ITPR2: variants seen among roughly 807,000 people sequenced by gnomAD.
The protein encoded by ITPR2 is inositol 1,4,5-trisphosphate receptor type 2, also known as inositol 1,4,5-trisphosphate-gated calcium channel ITPR2.
A neutral mutation model predicts 317.1 loss-of-function variants in ITPR2; 207 were observed. The ratio of observed to expected loss-of-function variants is 0.65; its 90% CI spans 0.58 to 0.73. The LOEUF is 0.73. ITPR2 is among the 30% of genes least tolerant of loss of function. The probability of loss-of-function intolerance (pLI) is 0.00; values close to 1 mark genes in which losing one functional copy is unlikely to be tolerated. For missense variants in ITPR2, 2,613 were observed against 3,284.0 expected (o/e 0.80, Z 4.99); for synonymous variants, 1,156 against 1,149.1 (o/e 1.01, Z -0.12).
intron 34 of ITPR2, among the ~76,000 whole-genome samples, chr12:26,569,162 G>T (rs755543414): frequency 6.6e-6 from 1 of 151,710 alleles, no homozygotes. Flanking sequence ...GACTGATAAG[G>T]GCTATTCCGA....
At chr12:26,548,430 G>A (rs1277665336) in intron 37 of ITPR2, among the ~76,000 whole-genome samples, 1 of 151,754 alleles carries the variant, frequency 6.6e-6, no homozygotes, top group African/African-American at 2.4e-5. Context: ...GATGGTTTCT[G>A]AAGGGCTCTA....
intron 4 of ITPR2, among the ~76,000 whole-genome samples, chr12:26,723,355 G>A (rs1020426155): frequency 6.6e-6 from 1 of 152,018 alleles, no homozygotes; most frequent in Non-Finnish European, 1.5e-5. Flanking sequence ...TTACCACAAA[G>A]CAATGGAAAC....
At chr12:26,469,303 A>T (rs139715661) in intron 45 of ITPR2, among the ~76,000 whole-genome samples, 20 of 152,274 alleles carry the variant, frequency 1.3e-4, no homozygotes, top group African/African-American at 4.6e-4. Context: ...ACTGTAGGTG[A>T]TTAGTGTAAT....
intron 55 of ITPR2, among the ~76,000 whole-genome samples, chr12:26,362,136 T>G (rs1409559853): frequency 1.3e-5 from 2 of 152,178 alleles, no homozygotes; most frequent in African/African-American, 4.8e-5. Flanking sequence ...ATTCCCAGGC[T>G]TCAAGCTGGG....
rs77570680 is a variant in ITPR2, at chr12:26,747,473, A to G, written c.164-21708T>C. The stretch of plus-strand genomic sequence containing the variant: ...TAAAAAGTCAAATACTGGTAACTTC[A>G]TATAGGTCAACCCTAATGTAGGTTT... On this transcript the variant is annotated intron_variant, in intron 2 of 56. Transcript: ENST00000381340. 9.3e-3 allele frequency among the ~76,000 whole-genome samples: 1,421 copies of G among 152,348 alleles called. 23 individuals carry two copies. Among genetic ancestry groups the G allele is most frequent in the African/African-American group, 0.032 (1,322 of 41,566 alleles).
chr12:26,465,251 A>G (rs578123307), intron 45 of ITPR2, among the ~76,000 whole-genome samples: 20 of 152,328 alleles, frequency 1.3e-4, no homozygotes, highest in African/African-American at 4.6e-4. Context: ...TATTTCACAG[A>G]AAGGAGAGTG....
At chr12:26,764,425 A>G (rs980574653) in intron 2 of ITPR2, among the ~76,000 whole-genome samples, 8 of 152,092 alleles carry the variant, frequency 5.3e-5, no homozygotes, top group Non-Finnish European at 8.8e-5. Context: ...TAAGGCACCA[A>G]CTGGGAAAAA....
chr12:26,738,569 TTC>T (rs200825264), intron 2 of ITPR2, among the ~76,000 whole-genome samples: 1,975 of 152,278 alleles, frequency 0.013, 47 homozygotes, highest in African/African-American at 0.046. Context: ...ATTTTTTAGC[TTC>T]TCTCTCTCAT....
At chr12:26,519,739 G>C (rs569316090) in intron 37 of ITPR2, among the ~76,000 whole-genome samples, 1 of 152,190 alleles carries the variant, frequency 6.6e-6, no homozygotes, top group Non-Finnish European at 1.5e-5. Context: ...ATTTTGTCCT[G>C]TGAACGCCAA....
At chr12:26,493,494 C>A (rs1005869164) in intron 39 of ITPR2, among the ~76,000 whole-genome samples, 1 of 152,120 alleles carries the variant, frequency 6.6e-6, no homozygotes, top group Non-Finnish European at 1.5e-5. Flanking sequence ...TTCCTGTGTT[C>A]TAATCCTCAG....
At chr12:26,561,739 T>C in intron 35 of ITPR2, 23 bp downstream of exon 35, 4 of 1,504,130 alleles carry the variant, frequency 2.7e-6, no homozygotes, top group East Asian at 5.0e-5. Context: ...AAAATATTAA[T>C]GCTATTTCAC....
At chr12:26,802,903 T>C (rs1565777938) in intron 1 of ITPR2, among the ~76,000 whole-genome samples, 1 of 152,158 alleles carries the variant, frequency 6.6e-6, no homozygotes, top group Non-Finnish European at 1.5e-5. Context: ...TTTGTAAGGA[T>C]ATAAGTTTTG....
chr12:26,535,483 T>A (rs1944064984), intron 37 of ITPR2, among the ~76,000 whole-genome samples: 1 of 152,170 alleles, frequency 6.6e-6, no homozygotes, highest in Non-Finnish European at 1.5e-5. Context: ...GCATCAAATA[T>A]CACTGGAGAA....
chr12:26,526,674 G>A (rs1437449876), intron 37 of ITPR2, among the ~76,000 whole-genome samples: 1 of 152,186 alleles, frequency 6.6e-6, no homozygotes, highest in African/African-American at 2.4e-5. Flanking sequence ...GCAGGGAGAA[G>A]AGTTAGGAGG....
At chr12:26,419,899 A>G (rs1940836518) in intron 49 of ITPR2, 1 of 152,134 alleles carries the variant, frequency 6.6e-6, no homozygotes, top group Non-Finnish European at 1.5e-5. Context: ...TATACATAGA[A>G]AATATAAATG....
intron 21 of ITPR2, among the ~76,000 whole-genome samples, chr12:26,647,777 C>G (rs1411557721): frequency 1.3e-5 from 2 of 152,196 alleles, no homozygotes; most frequent in African/African-American, 4.8e-5. Flanking sequence ...AATGTATAGC[C>G]AATGAAAGGT....
chr12:26,463,343 C>T (rs1206838552), intron 45 of ITPR2, among the ~76,000 whole-genome samples: 3 of 152,054 alleles, frequency 2.0e-5, no homozygotes, highest in African/African-American at 7.2e-5. Context: ...TCATTACAGT[C>T]TCATTCATTT....
chr12:26,813,118 T>C (rs905852139), intron 1 of ITPR2, among the ~76,000 whole-genome samples: 10 of 152,198 alleles, frequency 6.6e-5, no homozygotes, highest in Admixed American at 1.3e-4. Flanking sequence ...TAATTATAAT[T>C]CATATTTAGT....
chr12:26,625,419 G>C (rs1240182182), intron 23 of ITPR2, among the ~76,000 whole-genome samples: 1 of 151,786 alleles, frequency 6.6e-6, no homozygotes, highest in Non-Finnish European at 1.5e-5. Flanking sequence ...TTGTATACCT[G>C]CATCAAAATA....
Sources: allele counts gnomAD v4.1 joint callset (sites outside exome capture counted in the v4.1 genomes callset), GRCh38; gene constraint gnomAD v4.1.1; transcripts MANE v1.5; gene names NCBI Gene and HGNC (gene_info 2026-07-23, HGNC 2026-07-21).